The following MYLK4 variants were observed in gnomAD, a reference collection of about 807,000 sequenced individuals.
MYLK4 encodes myosin light chain kinase family member 4.
Under a neutral mutation model 48.1 loss-of-function variants are expected in MYLK4, and 46 were observed. The observed-to-expected ratio is 0.96, with a 90% CI of 0.75 to 1.22. The LOEUF is 1.22. Among genes scored for constraint, MYLK4 ranks in the 50% most tolerant of loss-of-function variants. The probability of loss-of-function intolerance (pLI) is 0.00; values close to 1 mark genes in which losing one functional copy is unlikely to be tolerated. For missense variants in MYLK4, 451 were observed against 486.1 expected, an observed-to-expected ratio of 0.93 and a Z score of 0.68; for synonymous variants, 170 against 180.8, an observed-to-expected ratio of 0.94 and a Z score of 0.48.
intron 2 of MYLK4, among the ~76,000 whole-genome samples, chr6:2,723,278 G>A (rs1187322348): frequency 6.6e-6 from 1 of 152,196 alleles, no homozygotes; most frequent in Non-Finnish European, 1.5e-5. Context: ...GGGTGACGGA[G>A]TCAGACCCTG....
At chr6:2,692,706 A>G (rs1197149381) in intron 3 of MYLK4, 78 bp downstream of exon 3, 8 of 1,323,140 alleles carry the variant, frequency 6.0e-6, no homozygotes, top group Non-Finnish European at 7.4e-6. Context: ...TGAATGTGCA[A>G]CTTCCTCTGA....
the MYLK4 span, among the ~76,000 whole-genome samples, chr6:2,765,183 C>CCG: frequency 5.2e-5 from 1 of 19,304 alleles, no homozygotes; most frequent in Non-Finnish European, 1.2e-4. Flanking sequence ...CGCCTCGCAA[C>CCG]CCCCCCCCCC....
the MYLK4 span, among the ~76,000 whole-genome samples, chr6:2,763,022 T>C: frequency 6.6e-6 from 1 of 152,174 alleles, no homozygotes; most frequent in African/African-American, 2.4e-5. Context: ...CGGGTCTCCA[T>C]CGCCAGCTCT....
At position 2,688,858 on chromosome 6, in the gene MYLK4, G is replaced by C; in HGVS notation, c.334C>G (p.Leu112Val). 6.2e-7 allele frequency: 1 copy of C among 1,613,328 alleles called. No homozygotes were observed. The highest frequency in any genetic ancestry group is 8.5e-7 in the Non-Finnish European group (1 of 1,179,430). The change falls in exon 4 of 13, where the codon CTA (leucine) becomes GTA (valine). Residue 112 changes from leucine to valine, a missense_variant. Leu to Val is a conservative substitution (Grantham distance 32, BLOSUM62 1). Coordinates refer to ENST00000274643, the MANE Select transcript of MYLK4 (RefSeq NM_001012418.5). ...SFYTVSKTEI[L>V]GGGRFGQVHK... Reference sequence around the variant, plus strand: ...ACATTCAGCCTTACTCACCCTCCTAGGATTTCTGTCTTGCTCACAGTATAG... The same window carrying C: ...ACATTCAGCCTTACTCACCCTCCTACGATTTCTGTCTTGCTCACAGTATAG...
At chr6:2,753,265 G>A (rs1160294571), upstream of MYLK4, among the ~76,000 whole-genome samples, 3 of 152,056 alleles carry the variant, frequency 2.0e-5, no homozygotes, top group Non-Finnish European at 2.9e-5. Flanking sequence ...AAACATCGTC[G>A]ACAGCTCTTG....
chr6:2,737,537 G>C (rs1380372357), intron 2 of MYLK4, among the ~76,000 whole-genome samples: 1 of 152,156 alleles, frequency 6.6e-6, no homozygotes, highest in Non-Finnish European at 1.5e-5. Flanking sequence ...ACATTCTGCA[G>C]TCATACCAGT....
intron 2 of MYLK4, among the ~76,000 whole-genome samples, chr6:2,715,523 G>A (rs1582086416): frequency 2.0e-5 from 3 of 152,324 alleles, no homozygotes; most frequent in African/African-American, 7.2e-5. Context: ...GCAGAGAAAA[G>A]CGTGGTGTTA....
intron 2 of MYLK4, among the ~76,000 whole-genome samples, chr6:2,699,287 C>CTTTTTTTTTCTT (rs1762188728): frequency 1.3e-5 from 1 of 77,894 alleles, no homozygotes; most frequent in Non-Finnish European, 2.2e-5. Flanking sequence ...CTTTTCTTTT[C>CTTTTTTTTTCTT]TTTTTTTTTT....
intron 2 of MYLK4, among the ~76,000 whole-genome samples, chr6:2,710,665 T>A (rs757890917): frequency 4.4e-4 from 64 of 145,840 alleles, no homozygotes; most frequent in Admixed American, 6.9e-4. Context: ...TCTCCTTGGC[T>A]GCAGCACCCA....
At chr6:2,767,008 T>C in the MYLK4 span, among the ~76,000 whole-genome samples, 1 of 152,232 alleles carries the variant, frequency 6.6e-6, no homozygotes, top group African/African-American at 2.4e-5. Context: ...CTAAATATAC[T>C]CATGTATTTA....
chr6:2,758,852 A>C, the MYLK4 span, among the ~76,000 whole-genome samples: 1 of 152,182 alleles, frequency 6.6e-6, no homozygotes, highest in South Asian at 2.1e-4. Flanking sequence ...TGTTGTATGA[A>C]TATTACAAAA....
In MYLK4 at chr6:2,733,375, C is replaced by A. The variant is rs145732341; in HGVS notation, c.159+15761G>T. Among the ~76,000 whole-genome samples the A allele has an allele frequency of 3.4e-3, 522 of 152,338 alleles. 4 individuals are homozygous for A. The highest frequency in any genetic ancestry group is 0.012 in the African/African-American group (503 of 41,590). On this transcript the variant is annotated intron_variant, in intron 2 of 12. Coordinates refer to ENST00000274643, the MANE Select transcript of MYLK4 (RefSeq NM_001012418.5). ...TAAAAACTACAGTCCCTACAGTTTT[C>A]TGTGAATTCATAATCCCCAGAGACC...
chr6:2,741,131 T>C (rs1156519389), intron 2 of MYLK4, among the ~76,000 whole-genome samples: 5 of 152,140 alleles, frequency 3.3e-5, no homozygotes, highest in African/African-American at 9.7e-5. Flanking sequence ...GGAATAAAGA[T>C]AGCATGTAAA....
At chr6:2,675,354 C>A (rs1456912580) in intron 10 of MYLK4, among the ~76,000 whole-genome samples, 1 of 152,138 alleles carries the variant, frequency 6.6e-6, no homozygotes, top group African/African-American at 2.4e-5. Flanking sequence ...AATAAAAATT[C>A]TTGTTAATAA....
At position 2,688,967 on chromosome 6, in the gene MYLK4, A is replaced by G. The variant is rs1363138392; in HGVS notation, c.236-11T>C. 2 of 1,612,994 alleles carry G rather than the reference A, an allele frequency of 1.2e-6. No individual in the cohort carries two copies. Among genetic ancestry groups the G allele is most frequent in the Non-Finnish European group, 1.7e-6 (2 of 1,178,912 alleles). ...GAGCCGGGATGTCAACTAGAAGGTG[A>G]GAGAAACAGAAGGGCAATCTGTCAA... On this transcript the variant is annotated splice_polypyrimidine_tract_variant and intron_variant, in intron 3 of 12. Transcript: ENST00000274643.
chr6:2,725,589 A>AAGAAAGAAAGAAAAAGAAAG (rs1763237196), intron 2 of MYLK4, among the ~76,000 whole-genome samples: 1 of 145,146 alleles, frequency 6.9e-6, no homozygotes, highest in African/African-American at 2.6e-5. Context: ...AAGAAAGAGA[A>AAGAAAGAAAGAAAAAGAAAG]AGAAAGAAAG....
At chr6:2,711,729 A>C (rs1314312965) in intron 2 of MYLK4, among the ~76,000 whole-genome samples, 1 of 152,210 alleles carries the variant, frequency 6.6e-6, no homozygotes. Context: ...TCTGAGACAC[A>C]CATTTAGTAT....
intron 2 of MYLK4, among the ~76,000 whole-genome samples, chr6:2,740,078 G>T (rs1763840941): frequency 6.6e-6 from 1 of 152,236 alleles, no homozygotes; most frequent in African/African-American, 2.4e-5. Context: ...GGCATAGAGT[G>T]CAAGCTAGGT....
the MYLK4 span, among the ~76,000 whole-genome samples, chr6:2,769,181 T>G: frequency 1.3e-5 from 2 of 152,296 alleles, no homozygotes; most frequent in Admixed American, 1.3e-4. Context: ...ATACTAGGAG[T>G]CATTGTGAAC....
Sources: gnomAD v4.1 joint callset for allele counts (sites outside exome capture counted in the v4.1 genomes callset) on GRCh38, gnomAD v4.1.1 for gene constraint, MANE v1.5 for transcripts, NCBI Gene and HGNC (gene_info 2026-07-23, HGNC 2026-07-21) for gene names.